Variants in PLCE1 observed in about 807,000 individuals in gnomAD.
PLCE1 encodes the protein phospholipase C epsilon 1.
A neutral mutation model predicts 242.8 loss-of-function variants in PLCE1; 119 were observed. The ratio of observed to expected loss-of-function variants is 0.49; its 90% CI spans 0.42 to 0.57. PLCE1 has a LOEUF of 0.57. PLCE1 is among the 20% of genes least tolerant of loss of function. The pLI is 0.00. For synonymous variants in PLCE1, 945 were observed against 1,017.4 expected (o/e 0.93, Z 1.35); for missense variants, 2,441 against 2,788.8 (o/e 0.88, Z 2.81).
At chr10:94,297,627 A>AAAAAG (rs2052885081) in intron 23 of PLCE1, among the ~76,000 whole-genome samples, 2 of 109,570 alleles carry the variant, frequency 1.8e-5, no homozygotes, top group African/African-American at 3.4e-5. Context: ...AAAAAAAAAA[A>AAAAAG]GTGCAGTATC....
intron 3 of PLCE1, among the ~76,000 whole-genome samples, chr10:94,155,176 T>G (rs984253670): frequency 2.0e-5 from 3 of 151,920 alleles, no homozygotes; most frequent in African/African-American, 4.8e-5. Context: ...CACAAAAATT[T>G]TATCCAAATG....
At chr10:94,321,400 G>A (rs1011293696) in intron 29 of PLCE1, among the ~76,000 whole-genome samples, 2 of 152,244 alleles carry the variant, frequency 1.3e-5, no homozygotes, top group African/African-American at 4.8e-5. Context: ...TTGGGAGGCC[G>A]ATGCAGGTGG....
At chr10:94,260,583 A>T (rs747225390) in intron 13 of PLCE1, among the ~76,000 whole-genome samples, 10 of 152,006 alleles carry the variant, frequency 6.6e-5, no homozygotes, top group Non-Finnish European at 1.3e-4. Flanking sequence ...TACATTTTTC[A>T]AAAATTATTG....
At chr10:94,198,221 A>G (rs2048886167) in intron 4 of PLCE1, among the ~76,000 whole-genome samples, 1 of 152,108 alleles carries the variant, frequency 6.6e-6, no homozygotes, top group Admixed American at 6.6e-5. Flanking sequence ...TAGGGTTCCC[A>G]CTCTGGTCTG....
At chr10:94,166,407 TC>T (rs943954033) in intron 3 of PLCE1, among the ~76,000 whole-genome samples, 1 of 152,192 alleles carries the variant, frequency 6.6e-6, no homozygotes, top group Non-Finnish European at 1.5e-5. Context: ...AGATAAAGTT[TC>T]TGAAACATAG....
At chr10:94,309,498 T>C (rs560081054) in intron 27 of PLCE1, among the ~76,000 whole-genome samples, 1 of 152,170 alleles carries the variant, frequency 6.6e-6, no homozygotes, top group South Asian at 2.1e-4. Context: ...GCCCAGATAA[T>C]GTTTTTCTAT....
intron 4 of PLCE1, among the ~76,000 whole-genome samples, chr10:94,221,740 A>AAAGAAG (rs556168808): frequency 6.6e-5 from 10 of 152,116 alleles, no homozygotes; most frequent in South Asian, 2.1e-4. Context: ...GTCTAAAAAA[A>AAAGAAG]AAGAAGAAGA....
At chr10:94,138,422 T>A in intron 3 of PLCE1, 1 of 413,012 alleles carries the variant, frequency 2.4e-6, no homozygotes, top group Admixed American at 2.7e-5. Flanking sequence ...AGGCAAGTAT[T>A]ATGCTATTAA....
In PLCE1 at chr10:94,309,874, G is replaced by A. The variant is rs144839261; in HGVS notation, c.6003+1175G>A. On this transcript the variant is annotated intron_variant, in intron 27 of 32. Coordinates refer to ENST00000371380, the MANE Select transcript of PLCE1 (RefSeq NM_016341.4). ...AGACCCCATCTCTATTAAAAAACGTGTTTTAATTGAGCATAGTGTCGAGCA... is the reference window on the plus strand; with the variant it reads ...AGACCCCATCTCTATTAAAAAACGTATTTTAATTGAGCATAGTGTCGAGCA... Among the ~76,000 whole-genome samples, 5 of 152,114 alleles carry A rather than the reference G, an allele frequency of 3.3e-5. No homozygotes were observed. In the East Asian group the frequency reaches 9.8e-4, roughly 30 times the overall value.
chr10:94,254,133 A>T, intron 9 of PLCE1, 57 bp from the exon 10 acceptor site: 1 of 1,260,660 alleles, frequency 7.9e-7, no homozygotes, highest in African/African-American at 1.5e-5. Flanking sequence ...ACCTGAACTA[A>T]AGCAGTGATG....
chr10:94,225,296 C>G (rs1206910339), intron 4 of PLCE1: 1 of 152,102 alleles, frequency 6.6e-6, no homozygotes, highest in Non-Finnish European at 1.5e-5. Flanking sequence ...TCAGTATTTT[C>G]TCCTTTTATT....
At chr10:94,148,543 T>C (rs1366143608) in intron 3 of PLCE1, among the ~76,000 whole-genome samples, 2 of 152,224 alleles carry the variant, frequency 1.3e-5, no homozygotes, top group African/African-American at 4.8e-5. Context: ...AAGGTCTCTC[T>C]GGTCTTCCTC....
chr10:94,148,303 G>A (rs2047177050), intron 3 of PLCE1, among the ~76,000 whole-genome samples: 1 of 151,208 alleles, frequency 6.6e-6, no homozygotes, highest in Non-Finnish European at 1.5e-5. Context: ...GAGGGTTCAT[G>A]TTTGGCAGGA....
At chr10:94,129,705 A>G (rs1468652261) in intron 2 of PLCE1, among the ~76,000 whole-genome samples, 1 of 152,216 alleles carries the variant, frequency 6.6e-6, no homozygotes, top group Admixed American at 6.5e-5. Context: ...AATCTTTTTA[A>G]GACAAAACCA....
chr10:94,039,404 C>T (rs370445895), intron 2 of PLCE1, among the ~76,000 whole-genome samples: 14 of 150,616 alleles, frequency 9.3e-5, no homozygotes, highest in African/African-American at 2.2e-4. Flanking sequence ...TTCCCGGAGA[C>T]GGAGTCTTGC....
chr10:94,240,835 A>C (rs1260026687), intron 7 of PLCE1, among the ~76,000 whole-genome samples: 2 of 152,214 alleles, frequency 1.3e-5, no homozygotes, highest in African/African-American at 2.4e-5. Flanking sequence ...TCCTTAAGGC[A>C]TACAACCTGA....
At chr10:94,282,578 G>A (rs1460601775) in intron 20 of PLCE1, among the ~76,000 whole-genome samples, 1 of 152,170 alleles carries the variant, frequency 6.6e-6, no homozygotes, top group Non-Finnish European at 1.5e-5. Flanking sequence ...CCCTTGGCAT[G>A]ATTCACATTA....
intron 2 of PLCE1, among the ~76,000 whole-genome samples, chr10:94,119,214 G>C (rs1398465273): frequency 6.6e-6 from 1 of 152,090 alleles, no homozygotes; most frequent in Non-Finnish European, 1.5e-5. Context: ...CCAAGCTATA[G>C]GAAATCTTAG....
intron 29 of PLCE1, among the ~76,000 whole-genome samples, chr10:94,318,907 G>C (rs776695509): frequency 1.3e-5 from 2 of 152,164 alleles, no homozygotes; most frequent in Non-Finnish European, 2.9e-5. Context: ...AATTAGCAGG[G>C]CGTGGTAGCA....
Sources: allele counts gnomAD v4.1 joint callset (sites outside exome capture counted in the v4.1 genomes callset), GRCh38; gene constraint gnomAD v4.1.1; transcripts MANE v1.5; gene names NCBI Gene and HGNC (gene_info 2026-07-23, HGNC 2026-07-21).